Variants in ARHGAP20 observed in about 807,000 individuals in gnomAD.
ARHGAP20 encodes the protein Rho GTPase activating protein 20.
A neutral mutation model predicts 73.7 loss-of-function variants in ARHGAP20; 34 were observed. The observed-to-expected ratio is 0.46, with a 90% CI of 0.35 to 0.61. ARHGAP20 has a LOEUF of 0.61. Among genes scored for constraint, ARHGAP20 ranks in the 20% least tolerant of loss-of-function variants. The probability of loss-of-function intolerance (pLI) is 0.00; values close to 1 mark genes in which losing one functional copy is unlikely to be tolerated. For synonymous variants in ARHGAP20, 523 were observed against 518.2 expected, an observed-to-expected ratio of 1.01 and a Z score of -0.13; for missense variants, 1,314 against 1,420.9, an observed-to-expected ratio of 0.92 and a Z score of 1.21.
chr11:110,697,809 T>C (rs1010323303), intron 1 of ARHGAP20, among the ~76,000 whole-genome samples: 1 of 151,936 alleles, frequency 6.6e-6, no homozygotes, highest in African/African-American at 2.4e-5. Context: ...AGGACCATGC[T>C]GTTTTAGTTG....
At chr11:110,652,726 G>A (rs191277582) in intron 2 of ARHGAP20, among the ~76,000 whole-genome samples, 1 of 152,230 alleles carries the variant, frequency 6.6e-6, no homozygotes, top group Admixed American at 6.5e-5. Flanking sequence ...ACTGCTCAAG[G>A]AAATCAGAGA....
chr11:110,617,450 A>G (rs2134908536), intron 4 of ARHGAP20, among the ~76,000 whole-genome samples: 1 of 152,086 alleles, frequency 6.6e-6, no homozygotes, highest in East Asian at 1.9e-4. Flanking sequence ...TTTAGTAGAG[A>G]CAGGATTTCT....
intron 2 of ARHGAP20, among the ~76,000 whole-genome samples, chr11:110,680,695 GC>G (rs1950021180): frequency 6.6e-6 from 1 of 152,120 alleles, no homozygotes; most frequent in Non-Finnish European, 1.5e-5. Context: ...CCCCATCAAA[GC>G]CCACTAGAAT....
chr11:110,676,824 T>C (rs2135082703), intron 2 of ARHGAP20, among the ~76,000 whole-genome samples: 1 of 152,198 alleles, frequency 6.6e-6, no homozygotes, highest in South Asian at 2.1e-4. Flanking sequence ...TAAGTTTTTT[T>C]TTTAAAAAAT....
At chr11:110,648,469 C>T (rs114067092) in intron 2 of ARHGAP20, among the ~76,000 whole-genome samples, 143 of 146,370 alleles carry the variant, frequency 9.8e-4, no homozygotes, top group African/African-American at 3.5e-3. Flanking sequence ...TCATAAGTTC[C>T]ACACCATAAC....
At chr11:110,670,780 C>T (rs992481429) in intron 2 of ARHGAP20, among the ~76,000 whole-genome samples, 1 of 151,954 alleles carries the variant, frequency 6.6e-6, no homozygotes, top group African/African-American at 2.4e-5. Context: ...AAAAATACTC[C>T]ATAAGCCCAC....
At chr11:110,658,787 T>TGTTTTGTTTTGTTTTG (rs1218790997) in intron 2 of ARHGAP20, among the ~76,000 whole-genome samples, 10 of 152,010 alleles carry the variant, frequency 6.6e-5, no homozygotes, top group African/African-American at 2.4e-4. Context: ...TTTATTGTTT[T>TGTTTTGTTTTGTTTTG]GTTTTCATGT....
At chr11:110,694,620 AT>A (rs1177179443) in intron 1 of ARHGAP20, among the ~76,000 whole-genome samples, 1 of 151,672 alleles carries the variant, frequency 6.6e-6, no homozygotes, top group Non-Finnish European at 1.5e-5. Context: ...TTAATTACAT[AT>A]TCAACTCTGT....
At chr11:110,644,805 T>C (rs2134993921) in intron 2 of ARHGAP20, among the ~76,000 whole-genome samples, 1 of 152,212 alleles carries the variant, frequency 6.6e-6, no homozygotes, top group East Asian at 1.9e-4. Context: ...CCTAATTAAC[T>C]AAAGAGCTTC....
chr11:110,605,823 G>A (rs112690400), intron 9 of ARHGAP20, among the ~76,000 whole-genome samples: 43 of 152,274 alleles, frequency 2.8e-4, no homozygotes, highest in African/African-American at 9.1e-4. Flanking sequence ...TTTGCAAAAC[G>A]CAAATCCATG....
intron 1 of ARHGAP20, among the ~76,000 whole-genome samples, chr11:110,695,249 C>T (rs1407214881): frequency 6.6e-6 from 1 of 151,488 alleles, no homozygotes; most frequent in Non-Finnish European, 1.5e-5. Context: ...GAAGGAAACA[C>T]AGGCATAATT....
chr11:110,692,131 T>C (rs1422677345), intron 1 of ARHGAP20, among the ~76,000 whole-genome samples: 1 of 152,114 alleles, frequency 6.6e-6, no homozygotes, highest in Non-Finnish European at 1.5e-5. Context: ...CTGTTTCCAT[T>C]ACTCACACCT....
At position 110,690,644 on chromosome 11, in the gene ARHGAP20, A is replaced by G. The variant is rs1950224675; in HGVS notation, c.106-15T>C. ...GTTTTCATTTTCTGTTGATGAAACA[A>G]ACCAAAATGAAGACCACATGGCTTG... On this transcript the variant is annotated splice_polypyrimidine_tract_variant and intron_variant, in intron 1 of 14. Coordinates refer to ENST00000683387, the MANE Select transcript of ARHGAP20 (RefSeq NM_001384657.1). The G allele has an allele frequency of 1.2e-6, 2 of 1,611,520 alleles. No homozygotes were observed. The highest frequency in any genetic ancestry group is 2.7e-5 in the African/African-American group (2 of 74,998).
chr11:110,685,327 A>G (rs1002578491), intron 2 of ARHGAP20, among the ~76,000 whole-genome samples: 1 of 152,174 alleles, frequency 6.6e-6, no homozygotes, highest in African/African-American at 2.4e-5. Context: ...CTTTAAACAC[A>G]GAAGTGAACA....
chr11:110,665,158 CAT>C (rs1949698680), intron 2 of ARHGAP20, among the ~76,000 whole-genome samples: 1 of 152,096 alleles, frequency 6.6e-6, no homozygotes, highest in Non-Finnish European at 1.5e-5. Context: ...AACAAAAACA[CAT>C]ATGTAAAAAT....
At chr11:110,711,423 C>T (rs934680656) in intron 1 of ARHGAP20, among the ~76,000 whole-genome samples, 15 of 150,946 alleles carry the variant, frequency 9.9e-5, no homozygotes, top group African/African-American at 3.7e-4. Context: ...CCCGCCCCCA[C>T]CCTGCTCGGT....
intron 9 of ARHGAP20, among the ~76,000 whole-genome samples, chr11:110,604,146 T>G (rs1948169871): frequency 6.6e-6 from 1 of 152,172 alleles, no homozygotes; most frequent in South Asian, 2.1e-4. Flanking sequence ...TTTTACTATC[T>G]GGCCCCTTAC....
chr11:110,671,921 T>A (rs575886398), intron 2 of ARHGAP20, among the ~76,000 whole-genome samples: 2 of 152,264 alleles, frequency 1.3e-5, no homozygotes, highest in South Asian at 2.1e-4. Flanking sequence ...AAAGAAATTG[T>A]ATTTCAATCA....
intron 1 of ARHGAP20, among the ~76,000 whole-genome samples, chr11:110,703,667 T>C (rs2135148639): frequency 6.6e-6 from 1 of 152,250 alleles, no homozygotes; most frequent in Admixed American, 6.5e-5. Flanking sequence ...ACATTATTCT[T>C]TGTTTCCTTG....
Sources: allele counts gnomAD v4.1 joint callset (sites outside exome capture counted in the v4.1 genomes callset), GRCh38; gene constraint gnomAD v4.1.1; transcripts MANE v1.5; gene names NCBI Gene and HGNC (gene_info 2026-07-23, HGNC 2026-07-21).